Variants in PRKRIP1 observed in about 807,000 individuals in gnomAD.
PRKRIP1 encodes PRKR-interacting protein 1.
Under a neutral mutation model 29.3 loss-of-function variants are expected in PRKRIP1, and 29 were observed. The ratio of observed to expected loss-of-function variants is 0.99; its 90% CI spans 0.74 to 1.35. The LOEUF (loss-of-function observed/expected upper bound fraction) is 1.35. Among genes scored for constraint, PRKRIP1 ranks in the 40% most tolerant of loss-of-function variants. PRKRIP1 has a pLI of 0.00. For synonymous variants in PRKRIP1, 90 were observed against 85.1 expected (o/e 1.06, Z -0.32); for missense variants, 247 against 236.8 (o/e 1.04, Z -0.28).
chr7:102,413,938 G>A (rs1309222050), intron 5 of PRKRIP1, among the ~76,000 whole-genome samples: 1 of 152,060 alleles, frequency 6.6e-6, no homozygotes, highest in Non-Finnish European at 1.5e-5. Context: ...GAAGAGTACT[G>A]GAAGGAGGGC....
chr7:102,404,405 G>A (rs566344447), intron 3 of PRKRIP1, 193 bp from the exon 4 acceptor site: 7 of 571,308 alleles, frequency 1.2e-5, no homozygotes, highest in South Asian at 2.3e-5. Flanking sequence ...CTTCGCCATC[G>A]GAGACCTATG....
chr7:102,414,254 G>A (rs1796473164), intron 5 of PRKRIP1, among the ~76,000 whole-genome samples: 2 of 151,824 alleles, frequency 1.3e-5, no homozygotes, highest in African/African-American at 4.8e-5. Flanking sequence ...AAAGAGTGGG[G>A]GAAGGAAATT....
intron 5 of PRKRIP1, among the ~76,000 whole-genome samples, chr7:102,407,954 C>G (rs1399222709): frequency 6.6e-6 from 1 of 152,100 alleles, no homozygotes; most frequent in Non-Finnish European, 1.5e-5. Context: ...GAGTCACTTG[C>G]CAGGTCAGGT....
At chr7:102,407,594 T>C (rs781853529) in intron 5 of PRKRIP1, 96 bp downstream of exon 5, 17 of 897,330 alleles carry the variant, frequency 1.9e-5, no homozygotes, top group Non-Finnish European at 2.9e-5. Flanking sequence ...GAGTTTGGGC[T>C]GGTTGGCTGG....
Position 102,397,639 on chromosome 7 carries a change from C to T in PRKRIP1, c.146C>T (p.Pro49Leu). 1.9e-6 allele frequency: 3 copies of T among 1,613,768 alleles called. No homozygotes were observed. The highest frequency in any genetic ancestry group is 2.5e-6 in the Non-Finnish European group (3 of 1,179,878). The part of the protein sequence containing the change: ...MKNPDKAVPI[P>L]EKMSEWAPRP... ...TTGCAGGACAAAGCAGTTCCAATTC[C>T]AGAGAAAATGAGTGAATGGGCACCT... The change falls in exon 2 of 6, where the codon CCA becomes CTA. Residue 49 changes from proline (P) to leucine (L), a missense_variant. Pro to Leu is a moderately conservative substitution (Grantham distance 98). Around this residue, in one of 3 missense-constraint regions of PRKRIP1, gnomAD observed 105 missense variants for 80.2 expected, o/e 1.31. Coordinates refer to ENST00000397912, the MANE Select transcript of PRKRIP1 (RefSeq NM_024653.4).
intron 5 of PRKRIP1, among the ~76,000 whole-genome samples, chr7:102,421,960 C>G (rs1554573796): frequency 6.6e-6 from 1 of 151,824 alleles, no homozygotes; most frequent in Admixed American, 6.6e-5. Flanking sequence ...TATGAATGGC[C>G]CGTCATATTT....
chr7:102,418,716 A>G (rs1413144233), intron 5 of PRKRIP1, among the ~76,000 whole-genome samples: 1 of 152,160 alleles, frequency 6.6e-6, no homozygotes, highest in African/African-American at 2.4e-5. Context: ...TACATGGATA[A>G]TGGTTTCAGA....
rs782562244 is a variant in PRKRIP1, at chr7:102,407,442, TAAAAG to T, written c.403_407del (p.Lys135GlufsTer11). ...TGGTTTTACATTTTTAGCCAGAAGT[TAAAAG>T]AGAAGAAATTACTGGCAAAGAAGAT... On this transcript the variant is annotated frameshift_variant, in exon 5 of 6. Transcript: ENST00000397912. LOFTEE classifies it high-confidence loss of function. The T allele has an allele frequency of 2.7e-5, 44 of 1,608,116 alleles. No homozygotes were observed. The highest frequency in any genetic ancestry group is 5.3e-5 in the African/African-American group (4 of 74,796).
chr7:102,396,364 T>C lies in PRKRIP1; in HGVS notation c.-48T>C. The C allele has an allele frequency of 1.4e-6, 2 of 1,473,068 alleles. No homozygotes were observed. The allele number at this position is 1,473,068 out of a possible 1,614,324, so 91.2% of individuals were successfully genotyped here. A position where few individuals can be genotyped will look rare whatever the true frequency, so the allele number is the denominator to read the frequency against. ...TCGCCGGCGCGCGGCTGTGTCGTCA[T>C]ACTTGCGCGCCGACGCCGCCGCTCG... is the stretch of plus-strand genomic sequence containing the variant. On this transcript the variant is annotated 5_prime_UTR_variant, in exon 1 of 6. Transcript: ENST00000397912.
At chr7:102,420,715 T>C (rs1796670783) in intron 5 of PRKRIP1, among the ~76,000 whole-genome samples, 1 of 152,058 alleles carries the variant, frequency 6.6e-6, no homozygotes. Context: ...AGGTTGAGCA[T>C]CCCAAACCCA....
chr7:102,414,979 A>G (rs995304925), intron 5 of PRKRIP1, among the ~76,000 whole-genome samples: 1 of 152,214 alleles, frequency 6.6e-6, no homozygotes, highest in African/African-American at 2.4e-5. Context: ...CTCTGGAAAT[A>G]TATTGCAGGT....
At chr7:102,404,424 A>G (rs1554571575) in intron 3 of PRKRIP1, 174 bp from the exon 4 acceptor site, 6 of 634,198 alleles carry the variant, frequency 9.5e-6, no homozygotes, top group Non-Finnish European at 1.7e-5. Flanking sequence ...TGTATTGATT[A>G]CCTGCCCTGC....
At chr7:102,404,496 C>G in intron 3 of PRKRIP1, 102 bp from the exon 4 acceptor site, 1 of 890,170 alleles carries the variant, frequency 1.1e-6, no homozygotes, top group Non-Finnish European at 1.8e-6. Flanking sequence ...CTCCGTCACC[C>G]CCAGTGGTGT....
At chr7:102,396,651 C>T in intron 1 of PRKRIP1, 114 bp downstream of exon 1, 1 of 1,171,682 alleles carries the variant, frequency 8.5e-7, no homozygotes, top group Non-Finnish European at 1.2e-6. Flanking sequence ...AACTCAGTAT[C>T]CGACCCTCCA....
At chr7:102,421,355 G>A (rs558616498) in intron 5 of PRKRIP1, among the ~76,000 whole-genome samples, 6 of 151,150 alleles carry the variant, frequency 4.0e-5, no homozygotes, top group African/African-American at 1.5e-4. Flanking sequence ...ACCAGCCTGG[G>A]CAACATGGTT....
chr7:102,402,765 C>G (rs1264595430), intron 3 of PRKRIP1, among the ~76,000 whole-genome samples: 1 of 152,154 alleles, frequency 6.6e-6, no homozygotes, highest in Admixed American at 6.5e-5. Flanking sequence ...CCCAGTCCCA[C>G]TCACCCCTGC....
At chr7:102,404,743 C>A in intron 4 of PRKRIP1, 60 bp downstream of exon 4, 1 of 1,342,960 alleles carries the variant, frequency 7.4e-7, no homozygotes, top group Non-Finnish European at 1.1e-6. Context: ...GCTGGGTGAG[C>A]TGTCCTTGCA....
At chr7:102,415,371 G>C (rs1796506769) in intron 5 of PRKRIP1, among the ~76,000 whole-genome samples, 2 of 152,136 alleles carry the variant, frequency 1.3e-5, no homozygotes, top group Admixed American at 6.5e-5. Context: ...CAAGTAGCTG[G>C]GATTACAGGC....
intron 5 of PRKRIP1, among the ~76,000 whole-genome samples, chr7:102,415,981 G>A (rs1167641449): frequency 6.6e-6 from 1 of 152,228 alleles, no homozygotes; most frequent in African/African-American, 2.4e-5. Flanking sequence ...CCTGTACTCT[G>A]TTCACGCCGC....
Sources: allele counts gnomAD v4.1 joint callset (sites outside exome capture counted in the v4.1 genomes callset), GRCh38; gene constraint gnomAD v4.1.1; regional missense constraint gnomAD v4.1.1; transcripts MANE v1.5; gene names NCBI Gene and HGNC (gene_info 2026-07-23, HGNC 2026-07-21).